Variants in EXOC5 observed in about 807,000 individuals in gnomAD.
The protein encoded by EXOC5 is exocyst complex component 5, also known as SEC10-like 1.
Under a neutral mutation model 90.8 loss-of-function variants are expected in EXOC5, and 17 were observed. The ratio of observed to expected loss-of-function variants is 0.19; its 90% CI spans 0.13 to 0.28. The LOEUF (loss-of-function observed/expected upper bound fraction) is 0.28, where lower values mean the gene tolerates loss of function less well. EXOC5 is among the 10% of genes least tolerant of loss of function. The pLI is 1.00. For missense variants in EXOC5, 569 were observed against 830.6 expected, an observed-to-expected ratio of 0.69 and a Z score of 3.87; for synonymous variants, 260 against 270.0, an observed-to-expected ratio of 0.96 and a Z score of 0.36.
At position 57,231,606 on chromosome 14, in the gene EXOC5, T is replaced by C. The variant is rs1883488206; in HGVS notation, c.1048A>G (p.Ile350Val). ...SIFISYLENY[I>V]EVETGYLKSR... is the part of the protein sequence containing the mutation. ...TTCAAATATCCAGTCTCCACCTCAA[T>C]ATAGTTCTCCAAATAGGAAATGAAA... Residue 350 changes from isoleucine (I) to valine (V), a missense_variant, in exon 11 of 18, where the codon ATT becomes GTT. By Grantham distance (29) the Ile-to-Val change is conservative. This residue lies in a region of EXOC5 where 69 missense variants were observed against 115.5 expected (regional missense o/e 0.60). Coordinates refer to ENST00000621441, the MANE Select transcript of EXOC5 (RefSeq NM_006544.4). 6.2e-7 allele frequency: 1 copy of C among 1,612,904 alleles called. No individual in the cohort carries two copies. The highest frequency in any genetic ancestry group is 8.5e-7 in the Non-Finnish European group (1 of 1,179,274).
chr14:57,244,995 CA>C (rs202230061), intron 3 of EXOC5, among the ~76,000 whole-genome samples: 221 of 79,110 alleles, frequency 2.8e-3, no homozygotes, highest in Middle Eastern at 0.019. Flanking sequence ...AACTCTGCCT[CA>C]AAAAAAAAAA....
intron 1 of EXOC5, among the ~76,000 whole-genome samples, chr14:57,256,626 A>T (rs1219059837): frequency 6.6e-6 from 1 of 152,228 alleles, no homozygotes; most frequent in East Asian, 1.9e-4. Flanking sequence ...TGTGCCATCC[A>T]GATTGCCCTT....
rs1039420784 is a variant in EXOC5 at position 57,201,564 on chromosome 14, A to C, written c.*7045T>G. On this transcript the variant is annotated 3_prime_UTR_variant, in exon 18 of 18. Transcript: ENST00000621441. Reference sequence around the variant, plus strand: ...ATATACATATATTTTTATATATATTAATATTATATATATATATATATATAT... The same window carrying C: ...ATATACATATATTTTTATATATATTCATATTATATATATATATATATATAT... 1 of 105,244 alleles carries C rather than the reference A, an allele frequency of 9.5e-6. No individual in the cohort carries two copies. The highest frequency in any genetic ancestry group is 1.7e-5 in the Non-Finnish European group (1 of 58,676). 6.5% of individuals were successfully genotyped at this position (105,244 alleles called of 1,614,324 possible).
Position 57,206,338 on chromosome 14 carries a change from T to G in EXOC5, c.*2271A>C, listed in dbSNP as rs190404950. ...TGATGGCTATAAATATGAAAACACT[T>G]AAAAAATCAGAATACAAAGAATGCA... is the stretch of plus-strand genomic sequence containing the variant. On this transcript the variant is annotated 3_prime_UTR_variant, in exon 18 of 18. Transcript: ENST00000621441. 36 of 164,586 alleles carry G rather than the reference T, an allele frequency of 2.2e-4. No individual in the cohort carries two copies. Among genetic ancestry groups the G allele is most frequent in the African/African-American group, 8.6e-4 (36 of 41,620 alleles). The allele number at this position is 164,586 out of a possible 1,614,324, so 10.2% of individuals were successfully genotyped here.
chr14:57,213,211 T>A (rs1594647211), intron 15 of EXOC5, among the ~76,000 whole-genome samples: 1 of 151,780 alleles, frequency 6.6e-6, no homozygotes, highest in East Asian at 2.0e-4. Context: ...AATGAGACCC[T>A]ATCTCTACAT....
At chr14:57,257,365 A>G (rs972494244) in intron 1 of EXOC5, among the ~76,000 whole-genome samples, 1 of 152,238 alleles carries the variant, frequency 6.6e-6, no homozygotes, top group Non-Finnish European at 1.5e-5. Flanking sequence ...TAGAGCACAT[A>G]GATGGAAAAA....
intron 15 of EXOC5, among the ~76,000 whole-genome samples, chr14:57,212,345 T>C (rs993730273): frequency 6.6e-6 from 1 of 152,218 alleles, no homozygotes; most frequent in Non-Finnish European, 1.5e-5. Context: ...AAAATGTTTG[T>C]AAAACCAATC....
At chr14:57,211,926 G>A (rs1447263264) in intron 15 of EXOC5, among the ~76,000 whole-genome samples, 1 of 152,042 alleles carries the variant, frequency 6.6e-6, no homozygotes, top group Non-Finnish European at 1.5e-5. Context: ...GCAGTGTGAT[G>A]ATTGCTCACT....
chr14:57,233,994 G>A lies in EXOC5; in HGVS notation c.708C>T (p.Cys236=), dbSNP rs1180416341. 6 of 1,600,896 alleles carry A rather than the reference G, an allele frequency of 3.7e-6. No homozygotes were observed. The highest frequency in any genetic ancestry group is 4.3e-6 in the Non-Finnish European group (5 of 1,168,476). The change falls in exon 8 of 18, where the codon TGC becomes TGT. Residue 236 remains cysteine, a synonymous_variant. Transcript: ENST00000621441. ...AAGTGTACTGTTATGTTACCTCCTG[G>A]CACTGCTTTATATAAACATCAACAC... ...SHCVDVYIKQ[C]QEGAYLRNDI...
chr14:57,250,909 T>C (rs1884169851), intron 1 of EXOC5, among the ~76,000 whole-genome samples: 1 of 152,220 alleles, frequency 6.6e-6, no homozygotes, highest in Non-Finnish European at 1.5e-5. Flanking sequence ...TTGCAGACCG[T>C]ACAGTCTCTG....
At chr14:57,231,010 CTTTTT>C (rs758234288) in intron 11 of EXOC5, among the ~76,000 whole-genome samples, 2 of 138,014 alleles carry the variant, frequency 1.4e-5, no homozygotes, top group Non-Finnish European at 1.6e-5. Context: ...ATCTACTTTA[CTTTTT>C]TTTTTTTTTT....
chr14:57,235,828 TAA>T lies in EXOC5; in HGVS notation c.560-10_560-9del. ...CTAAATCATGGTATTTACCTAAAAA[TAA>T]AGTCATTCAGCTACACTGAGGCATA... On this transcript the variant is annotated splice_polypyrimidine_tract_variant and intron_variant, in intron 6 of 17. Transcript: ENST00000621441. 6.9e-7 allele frequency: 1 copy of T among 1,459,552 alleles called. No homozygotes were observed. The highest frequency in any genetic ancestry group is 9.4e-7 in the Non-Finnish European group (1 of 1,061,932). The allele number at this position is 1,459,552 out of a possible 1,614,324, so 90.4% of individuals were successfully genotyped here.
intron 2 of EXOC5, 104 bp from the exon 3 acceptor site, chr14:57,246,962 G>T: frequency 3.2e-6 from 2 of 618,508 alleles, no homozygotes; most frequent in South Asian, 2.6e-5. Flanking sequence ...AGTTCCTTGA[G>T]CTTGAAATGA....
chr14:57,215,300 G>A (rs1004257061), intron 15 of EXOC5, among the ~76,000 whole-genome samples: 1 of 151,874 alleles, frequency 6.6e-6, no homozygotes, highest in African/African-American at 2.4e-5. Context: ...TGGAAGAACT[G>A]ATTACACTTT....
intron 1 of EXOC5, among the ~76,000 whole-genome samples, chr14:57,265,768 T>C (rs1594689866): frequency 6.6e-6 from 1 of 151,958 alleles, no homozygotes; most frequent in East Asian, 1.9e-4. Flanking sequence ...ACTTTGTATA[T>C]GTAGAAGATA....
Position 57,239,321 on chromosome 14 carries a change from C to G in EXOC5, c.530+274G>C, listed in dbSNP as rs73290140. On this transcript the variant is annotated intron_variant, in intron 5 of 17. Transcript: ENST00000621441. The stretch of plus-strand genomic sequence containing the variant: ...TTTAACCTCAGTCGATTTCAAAATT[C>G]TCCTTCATCAAATTTTTTTTCAGGA... Among the ~76,000 whole-genome samples, 817 of 152,246 alleles carry G rather than the reference C, an allele frequency of 5.4e-3. 12 individuals carry two copies. Among genetic ancestry groups the G allele is most frequent in the African/African-American group, 0.019 (769 of 41,548 alleles).
intron 4 of EXOC5, among the ~76,000 whole-genome samples, chr14:57,241,876 G>C (rs1463933431): frequency 1.3e-5 from 2 of 152,140 alleles, no homozygotes; most frequent in Non-Finnish European, 2.9e-5. Context: ...GCTCATGCCT[G>C]TAATCCCAGC....
chr14:57,221,079 A>G (rs1443433609), intron 13 of EXOC5, among the ~76,000 whole-genome samples: 2 of 152,180 alleles, frequency 1.3e-5, no homozygotes, highest in Non-Finnish European at 2.9e-5. Context: ...GATAATAAGG[A>G]TAACTGGGCT....
intron 1 of EXOC5, among the ~76,000 whole-genome samples, chr14:57,257,940 T>C (rs1312185426): frequency 6.6e-6 from 1 of 152,184 alleles, no homozygotes; most frequent in Non-Finnish European, 1.5e-5. Context: ...CTTCACTTTG[T>C]TTTGCTATAG....
Sources: gnomAD v4.1 joint callset for allele counts (sites outside exome capture counted in the v4.1 genomes callset) on GRCh38, gnomAD v4.1.1 for gene constraint, gnomAD v4.1.1 regional missense constraint, MANE v1.5 for transcripts, NCBI Gene and HGNC (gene_info 2026-07-23, HGNC 2026-07-21) for gene names.